Variants in MGAT4C observed in about 807,000 individuals in gnomAD.
MGAT4C encodes alpha-1,3-mannosyl-glycoprotein 4-beta-N-acetylglucosaminyltransferase C.
In MGAT4C, 19 loss-of-function variants were observed where a neutral mutation model predicts 40.1. The ratio of observed to expected loss-of-function variants is 0.47; its 90% CI spans 0.33 to 0.70. The LOEUF is 0.70. MGAT4C is among the 30% of genes least tolerant of loss of function. The pLI, the probability that MGAT4C is intolerant of heterozygous loss-of-function variation, is 0.02. For synonymous variants in MGAT4C, 181 were observed against 187.1 expected, an observed-to-expected ratio of 0.97 and a Z score of 0.27; for missense variants, 491 against 563.2, an observed-to-expected ratio of 0.87 and a Z score of 1.30.
chr12:86,036,222 G>A (rs956865688), intron 2 of MGAT4C, among the ~76,000 whole-genome samples: 5 of 149,508 alleles, frequency 3.3e-5, no homozygotes, highest in Admixed American at 6.7e-5. Flanking sequence ...GGGCTGAGAC[G>A]ATGGGGTTTT....
In MGAT4C at chr12:86,696,161, G is replaced by A. The variant is rs1457497660; in HGVS notation, c.-229+31048C>T. ...TGGAAGGCAGAGGTTGCAGTGAGCC[G>A]AGATCACACCACTGCATTCCAGCCT... On this transcript the variant is annotated intron_variant, in intron 2 of 7. Transcript: ENST00000548651. Among the ~76,000 whole-genome samples the A allele has an allele frequency of 2.7e-5, 4 of 150,676 alleles. No individual in the cohort carries two copies. In the South Asian group the frequency reaches 6.3e-4, roughly 24 times the overall value.
intron 2 of MGAT4C, among the ~76,000 whole-genome samples, chr12:86,449,802 T>A (rs1372454584): frequency 6.6e-6 from 1 of 152,196 alleles, no homozygotes; most frequent in South Asian, 2.1e-4. Flanking sequence ...CCACTAATGG[T>A]TTTATGACCA....
chr12:85,970,354 A>G lies in MGAT4C; in HGVS notation c.*8935T>C, dbSNP rs1201029257. 1 of 151,320 alleles carries G rather than the reference A, an allele frequency of 6.6e-6. No homozygotes were observed. The highest frequency in any genetic ancestry group is 1.5e-5 in the Non-Finnish European group (1 of 67,410). The allele number at this position is 151,320 out of a possible 1,614,324, so 9.4% of individuals were successfully genotyped here. A position where few individuals can be genotyped will look rare whatever the true frequency, so the allele number is the denominator to read the frequency against. ...AATGGTAAATTTTGAATCATCTGGT[A>G]AAAATGGACAAAATTTAGTTTTATC... is the stretch of plus-strand genomic sequence containing the variant. On this transcript the variant is annotated 3_prime_UTR_variant, in exon 5 of 5. Coordinates refer to ENST00000611864, the MANE Select transcript of MGAT4C (RefSeq NM_001351288.2).
chr12:86,307,430 G>A (rs1953962126), intron 4 of MGAT4C, among the ~76,000 whole-genome samples: 1 of 150,408 alleles, frequency 6.6e-6, no homozygotes, highest in Non-Finnish European at 1.5e-5. Flanking sequence ...AAAGGATGGA[G>A]AGATGCATTC....
chr12:86,479,411 A>G, intron 2 of MGAT4C, among the ~76,000 whole-genome samples: 1 of 151,918 alleles, frequency 6.6e-6, no homozygotes, highest in South Asian at 2.1e-4. Flanking sequence ...TAAAGTGAGT[A>G]GGGCTGGTAG....
rs942536177 is a variant in MGAT4C, at chr12:86,823,526, A to G, written c.-262+15140T>C. Among the ~76,000 whole-genome samples, 7 of 151,336 alleles carry G rather than the reference A, an allele frequency of 4.6e-5. No individual in the cohort carries two copies. The Admixed American group carries it at 4.6e-4, about 10-fold the overall frequency. ...AATCAGAATTTCACCATCTCTAGGA[A>G]CACATAAGAAAACGATGAGGATAGT... is the stretch of plus-strand genomic sequence containing the variant. On this transcript the variant is annotated intron_variant, in intron 1 of 7. Coordinates refer to the MGAT4C transcript ENST00000548651.
chr12:86,062,608 T>C (rs1479355268), intron 1 of MGAT4C, among the ~76,000 whole-genome samples: 2 of 151,812 alleles, frequency 1.3e-5, no homozygotes, highest in Non-Finnish European at 2.9e-5. Context: ...TCTAACCCAA[T>C]GTAAGGAAGC....
chr12:86,794,919 T>C (rs1412192945), intron 1 of MGAT4C, among the ~76,000 whole-genome samples: 1 of 151,896 alleles, frequency 6.6e-6, no homozygotes, highest in Non-Finnish European at 1.5e-5. Flanking sequence ...CAGTATTCTA[T>C]AAAAATGGAA....
Position 86,117,740 on chromosome 12 carries a change from T to C in MGAT4C, c.-56-68017A>G, listed in dbSNP as rs527733511. Among the ~76,000 whole-genome samples, 10 of 152,256 alleles carry C rather than the reference T, an allele frequency of 6.6e-5. No homozygotes were observed. In the East Asian group the frequency reaches 1.7e-3, roughly 26 times the overall value. On this transcript the variant is annotated intron_variant, in intron 1 of 4. Coordinates refer to ENST00000611864, the MANE Select transcript of MGAT4C (RefSeq NM_001351288.2). ...GGGTTAAGAGTAGGAGAAGCTGACATTTTCTTACTATCATTAGGGCCAGTG... is the reference window on the plus strand; with the variant it reads ...GGGTTAAGAGTAGGAGAAGCTGACACTTTCTTACTATCATTAGGGCCAGTG...
intron 2 of MGAT4C, among the ~76,000 whole-genome samples, chr12:86,442,065 G>T (rs995326949): frequency 1.4e-4 from 21 of 152,090 alleles, no homozygotes; most frequent in African/African-American, 4.8e-4. Context: ...ATCTCATTGT[G>T]GTTTTGATTT....
intron 4 of MGAT4C, among the ~76,000 whole-genome samples, chr12:86,333,315 A>G (rs999912040): frequency 1.3e-5 from 2 of 152,238 alleles, no homozygotes; most frequent in African/African-American, 2.4e-5. Flanking sequence ...AGCAAATGGT[A>G]TAAAGTGAAA....
At chr12:86,756,862 A>C (rs1951313285) in intron 1 of MGAT4C, among the ~76,000 whole-genome samples, 1 of 152,192 alleles carries the variant, frequency 6.6e-6, no homozygotes, top group Admixed American at 6.5e-5. Flanking sequence ...ATAACTTCCT[A>C]AATCTAAGCA....
intron 1 of MGAT4C, among the ~76,000 whole-genome samples, chr12:86,058,314 A>G (rs1277052120): frequency 6.6e-6 from 1 of 152,134 alleles, no homozygotes; most frequent in Non-Finnish European, 1.5e-5. Flanking sequence ...AGTGGTATAA[A>G]TCTCAAAAAA....
intron 2 of MGAT4C, among the ~76,000 whole-genome samples, chr12:86,706,892 T>C (rs1260807165): frequency 2.0e-5 from 3 of 152,162 alleles, no homozygotes; most frequent in Non-Finnish European, 4.4e-5. Flanking sequence ...TGGGGGCAGG[T>C]CTTTCCCATG....
At chr12:86,827,522 G>C (rs1022132653) in intron 1 of MGAT4C, among the ~76,000 whole-genome samples, 1 of 151,384 alleles carries the variant, frequency 6.6e-6, no homozygotes, top group African/African-American at 2.4e-5. Flanking sequence ...AGATGGAGTC[G>C]AAAATGTGAC....
rs557586391 is a variant in MGAT4C, at chr12:86,780,432, G to A, written c.-261-53191C>T. Among the ~76,000 whole-genome samples, 12 of 152,222 alleles carry A rather than the reference G, an allele frequency of 7.9e-5. 1 individual carries two copies. The highest frequency in any genetic ancestry group is 1.4e-4 in the African/African-American group (6 of 41,542). On this transcript the variant is annotated intron_variant, in intron 1 of 7. Transcript: ENST00000548651. ...GTGTTAGAGGAGGGGCGGGTGGGAGGTGATTGGATCATGGGGGCAGATTTC... is the reference window on the plus strand; with the variant it reads ...GTGTTAGAGGAGGGGCGGGTGGGAGATGATTGGATCATGGGGGCAGATTTC...
intron 1 of MGAT4C, among the ~76,000 whole-genome samples, chr12:86,126,813 AG>A (rs1175320398): frequency 3.3e-5 from 5 of 152,178 alleles, no homozygotes; most frequent in Non-Finnish European, 7.3e-5. Context: ...TGTATAGCCC[AG>A]GGGTCCCCAA....
chr12:86,067,613 G>A (rs1894679723), intron 1 of MGAT4C, among the ~76,000 whole-genome samples: 1 of 151,928 alleles, frequency 6.6e-6, no homozygotes, highest in Non-Finnish European at 1.5e-5. Context: ...TGTAGATGAC[G>A]GGTTGATGGG....
At chr12:85,991,281 G>A (rs1212501488) in intron 2 of MGAT4C, among the ~76,000 whole-genome samples, 2 of 152,236 alleles carry the variant, frequency 1.3e-5, no homozygotes, top group East Asian at 3.9e-4. Context: ...CTCTGCTCTG[G>A]CTGAACACGG....
Sources: allele counts gnomAD v4.1 joint callset (sites outside exome capture counted in the v4.1 genomes callset), GRCh38; gene constraint gnomAD v4.1.1; transcripts MANE v1.5; gene names NCBI Gene and HGNC (gene_info 2026-07-23, HGNC 2026-07-21).